ZNF469: variants seen among roughly 807,000 people sequenced by gnomAD.
ZNF469 encodes the protein zinc finger protein 469.
Under a neutral mutation model 1.0 loss-of-function variants are expected in ZNF469, and 1 was observed. The ratio of observed to expected loss-of-function variants is 1.00; its 90% CI spans 0.35 to 4.73. ZNF469 has a LOEUF of 4.73. ZNF469 is among the 30% of genes most tolerant of loss of function. The probability of loss-of-function intolerance (pLI) is 0.16; values close to 1 mark genes in which losing one functional copy is unlikely to be tolerated. For synonymous variants in ZNF469, 2,703 were observed against 2,363.4 expected, an observed-to-expected ratio of 1.14 and a Z score of -4.17; for missense variants, 6,100 against 5,356.3, an observed-to-expected ratio of 1.14 and a Z score of -4.33.
At chr16:88,268,464 C>T in the ZNF469 span, among the ~76,000 whole-genome samples, 3 of 152,222 alleles carry the variant, frequency 2.0e-5, no homozygotes, top group Non-Finnish European at 1.5e-5. Flanking sequence ...TCAGAATTTC[C>T]CTATTTTTGA....
At chr16:88,422,546 T>G (rs1597202557) in intron 1 of ZNF469, among the ~76,000 whole-genome samples, 2 of 74,098 alleles carry the variant, frequency 2.7e-5, no homozygotes, top group African/African-American at 1.1e-4. Flanking sequence ...GGCAGGTGGA[T>G]GGGGGGATGG....
the ZNF469 span, among the ~76,000 whole-genome samples, chr16:88,144,415 G>A: frequency 6.6e-6 from 1 of 152,214 alleles, no homozygotes; most frequent in African/African-American, 2.4e-5. Context: ...ATAAGGGGAT[G>A]GTGTGATTAA....
chr16:88,349,746 TGCACACATG>T, the ZNF469 span, among the ~76,000 whole-genome samples: 1 of 118,572 alleles, frequency 8.4e-6, no homozygotes, highest in Non-Finnish European at 1.7e-5. Flanking sequence ...CACACACAAG[TGCACACATG>T]CCCAGCACAA....
chr16:88,418,958 G>C (rs953296814), intron 1 of ZNF469, among the ~76,000 whole-genome samples: 19 of 152,324 alleles, frequency 1.2e-4, no homozygotes, highest in African/African-American at 3.6e-4. Context: ...TTTTCTCCTG[G>C]GCTGCTCGGC....
chr16:88,137,413 G>A, the ZNF469 span, among the ~76,000 whole-genome samples: 2 of 152,236 alleles, frequency 1.3e-5, no homozygotes, highest in Non-Finnish European at 2.9e-5. Flanking sequence ...AACCAAGTGT[G>A]TGACAGCTAT....
At chr16:88,149,771 C>T in the ZNF469 span, among the ~76,000 whole-genome samples, 1 of 152,286 alleles carries the variant, frequency 6.6e-6, no homozygotes, top group African/African-American at 2.4e-5. Context: ...GCTGGGCAGG[C>T]TCTCTTTCCC....
the ZNF469 span, among the ~76,000 whole-genome samples, chr16:88,121,236 TTGGGGGG>T: frequency 7.9e-5 from 2 of 25,194 alleles, no homozygotes; most frequent in East Asian, 1.7e-3. Context: ...GGGGGGGAGG[TTGGGGGG>T]TGGGGGCGCT....
chr16:88,232,556 C>T, the ZNF469 span, among the ~76,000 whole-genome samples: 2 of 152,210 alleles, frequency 1.3e-5, no homozygotes, highest in Admixed American at 6.5e-5. Flanking sequence ...TCATTCTTGT[C>T]CCAGTTAACG....
the ZNF469 span, among the ~76,000 whole-genome samples, chr16:88,309,119 T>G: frequency 6.6e-6 from 1 of 152,188 alleles, no homozygotes; most frequent in Admixed American, 6.5e-5. Flanking sequence ...GATTTTCCCC[T>G]AGTGAGTCTC....
chr16:88,201,291 C>T, the ZNF469 span, among the ~76,000 whole-genome samples: 5 of 152,286 alleles, frequency 3.3e-5, no homozygotes, highest in African/African-American at 7.2e-5. The surrounding 1 kb of genome is among the most constrained non-coding windows in gnomAD (Gnocchi z 5.0). Context: ...CAGTGGCTCA[C>T]GCCTGTAATC....
the ZNF469 span, among the ~76,000 whole-genome samples, chr16:88,331,652 A>G: frequency 1.3e-5 from 2 of 151,616 alleles, no homozygotes; most frequent in African/African-American, 4.9e-5. Flanking sequence ...CATCATCACC[A>G]CCATCATCAT....
intron 1 of ZNF469, among the ~76,000 whole-genome samples, chr16:88,386,400 C>G (rs866900289): frequency 6.6e-6 from 1 of 152,130 alleles, no homozygotes; most frequent in Non-Finnish European, 1.5e-5. Context: ...TCTCCACCGG[C>G]GACTGCCTGC....
the ZNF469 span, among the ~76,000 whole-genome samples, chr16:88,332,623 G>C: frequency 1.7e-3 from 254 of 152,364 alleles, no homozygotes; most frequent in African/African-American, 5.7e-3. Flanking sequence ...TAGGCCATGT[G>C]AGGCAGGGAG....
chr16:88,328,573 C>G, the ZNF469 span, among the ~76,000 whole-genome samples: 4 of 152,220 alleles, frequency 2.6e-5, no homozygotes, highest in Non-Finnish European at 5.9e-5. Flanking sequence ...TGACATGGAT[C>G]TTTGTGGGGT....
At chr16:88,104,947 G>A in the ZNF469 span, among the ~76,000 whole-genome samples, 1 of 152,222 alleles carries the variant, frequency 6.6e-6, no homozygotes, top group Non-Finnish European at 1.5e-5. Context: ...GTGCAGCAGT[G>A]GCTCATGTCT....
chr16:88,377,842 C>T, the ZNF469 span, among the ~76,000 whole-genome samples: 12 of 152,276 alleles, frequency 7.9e-5, no homozygotes, highest in South Asian at 2.5e-3. Context: ...TGTATTCATC[C>T]CCACTTTCGT....
chr16:88,180,671 G>A, the ZNF469 span, among the ~76,000 whole-genome samples: 21 of 152,162 alleles, frequency 1.4e-4, no homozygotes, highest in African/African-American at 5.1e-4. Context: ...CTACTCAGAA[G>A]GCTGAGGCAG....
Position 88,437,456 on chromosome 16 carries a change from A to T in ZNF469, c.9986A>T (p.His3329Leu). 1 of 1,529,342 alleles carries T rather than the reference A, an allele frequency of 6.5e-7. No individual in the cohort carries two copies. The allele number at this position is 1,529,342 out of a possible 1,614,324, so 94.7% of individuals were successfully genotyped here. A position where few individuals can be genotyped will look rare whatever the true frequency, so the allele number is the denominator to read the frequency against. Residue 3329 changes from histidine to leucine, a missense_variant, in exon 3 of 3, where the codon CAC becomes CTC. Physicochemically the swap from His to Leu is moderately conservative, Grantham distance 99 (BLOSUM62 -3). Coordinates refer to ENST00000565624, the MANE Select transcript of ZNF469 (RefSeq NM_001367624.2). ...GEPLLQATPVHEACKDPSRDC... is the reference protein window; with the variant it reads ...GEPLLQATPVLEACKDPSRDC... ...CCCCTCCTGCAAGCCACCCCGGTGC[A>T]CGAGGCCTGCAAGGACCCCTCCCGC...
chr16:88,364,883 T>C, the ZNF469 span, among the ~76,000 whole-genome samples: 2 of 152,174 alleles, frequency 1.3e-5, no homozygotes, highest in African/African-American at 4.8e-5. Flanking sequence ...GAGAATCCGT[T>C]GAACCCAAGG....
Sources: gnomAD v4.1 joint callset for allele counts (sites outside exome capture counted in the v4.1 genomes callset) on GRCh38, gnomAD v4.1.1 for gene constraint, Gnocchi (gnomAD v3.1) non-coding constraint, MANE v1.5 for transcripts, NCBI Gene and HGNC (gene_info 2026-07-23, HGNC 2026-07-21) for gene names.